Variants in PDE1A observed in about 807,000 individuals in gnomAD.
PDE1A encodes the protein phosphodiesterase 1A, also known as dual specificity calcium/calmodulin-dependent 3',5'-cyclic nucleotide phosphodiesterase 1A.
Under a neutral mutation model 61.7 loss-of-function variants are expected in PDE1A, and 35 were observed. That is an observed-to-expected ratio of 0.57 (90% CI 0.43 to 0.75). The LOEUF (loss-of-function observed/expected upper bound fraction) is 0.75, where lower values mean the gene tolerates loss of function less well. Among genes scored for constraint, PDE1A ranks in the 30% least tolerant of loss-of-function variants. The pLI is 0.00. For synonymous variants in PDE1A, 232 were observed against 213.2 expected (o/e 1.09, Z -0.77); for missense variants, 597 against 630.6 (o/e 0.95, Z 0.57).
At chr2:182,546,444 G>A in the PDE1A span, among the ~76,000 whole-genome samples, 5 of 152,108 alleles carry the variant, frequency 3.3e-5, no homozygotes, top group African/African-American at 1.2e-4. Context: ...AGACTAAGAT[G>A]GATACCCCCT....
chr2:182,577,973 GAA>G, the PDE1A span, among the ~76,000 whole-genome samples: 548 of 149,350 alleles, frequency 3.7e-3, 9 homozygotes, highest in African/African-American at 0.013. Flanking sequence ...AGGAAGGAAG[GAA>G]GGAAGGAAGG....
chr2:182,571,446 T>G, the PDE1A span, among the ~76,000 whole-genome samples: 3 of 152,128 alleles, frequency 2.0e-5, no homozygotes, highest in Admixed American at 6.5e-5. Flanking sequence ...TTAAGCCTCT[T>G]ATTTTCTAAT....
chr2:182,610,544 G>T, the PDE1A span, among the ~76,000 whole-genome samples: 1 of 151,988 alleles, frequency 6.6e-6, no homozygotes. Flanking sequence ...TAAAAAAAAA[G>T]AATGGCAATA....
chr2:182,373,698 G>A (rs1252834772), intron 1 of PDE1A, among the ~76,000 whole-genome samples: 3 of 152,160 alleles, frequency 2.0e-5, no homozygotes, highest in Non-Finnish European at 2.9e-5. Context: ...AGAAAGGATA[G>A]AATTTAGTGA....
chr2:182,268,728 C>G (rs1389656081), intron 1 of PDE1A, among the ~76,000 whole-genome samples: 1 of 152,076 alleles, frequency 6.6e-6, no homozygotes, highest in East Asian at 1.9e-4. Context: ...CCATTTGTTA[C>G]TGTCTTAAAT....
downstream of PDE1A, chr2:182,142,659 T>G (rs1350945893): frequency 1.3e-5 from 2 of 152,258 alleles, no homozygotes; most frequent in African/African-American, 4.8e-5. Context: ...TTTATAGTTA[T>G]AGCACTCTGT....
chr2:182,358,353 C>T (rs1432640798), intron 1 of PDE1A, among the ~76,000 whole-genome samples: 1 of 152,032 alleles, frequency 6.6e-6, no homozygotes, highest in Admixed American at 6.6e-5. Flanking sequence ...TTTCTGATGC[C>T]CTTACATCTG....
At chr2:182,378,243 G>A (rs1039433687) in intron 1 of PDE1A, among the ~76,000 whole-genome samples, 1 of 152,164 alleles carries the variant, frequency 6.6e-6, no homozygotes, top group Admixed American at 6.5e-5. Flanking sequence ...ACAAAAGTTT[G>A]CATAATGAGT....
chr2:182,276,370 C>T (rs1455851344), intron 1 of PDE1A, among the ~76,000 whole-genome samples: 1 of 152,040 alleles, frequency 6.6e-6, no homozygotes, highest in Non-Finnish European at 1.5e-5. Flanking sequence ...TATATCAGTT[C>T]CCAAAATTAA....
chr2:182,373,890 A>G (rs900637477), intron 1 of PDE1A, among the ~76,000 whole-genome samples: 2 of 152,224 alleles, frequency 1.3e-5, no homozygotes, highest in African/African-American at 4.8e-5. Context: ...TTTTCACATG[A>G]TGACTTCATT....
the PDE1A span, among the ~76,000 whole-genome samples, chr2:182,684,760 AG>A: frequency 6.6e-6 from 1 of 152,200 alleles, no homozygotes. Context: ...CATGTTGGCC[AG>A]GCTGGTCTCG....
the PDE1A span, among the ~76,000 whole-genome samples, chr2:182,684,653 T>G: frequency 6.6e-6 from 1 of 152,114 alleles, no homozygotes; most frequent in African/African-American, 2.4e-5. Flanking sequence ...TGGATTCAAG[T>G]GATTCTCTTG....
the PDE1A span, among the ~76,000 whole-genome samples, chr2:182,691,444 TAACA>T: frequency 6.6e-6 from 1 of 152,184 alleles, no homozygotes. Context: ...ATTCTCTAGT[TAACA>T]AATGGTGCTG....
chr2:182,399,287 A>C (rs190754750), intron 1 of PDE1A, among the ~76,000 whole-genome samples: 265 of 152,094 alleles, frequency 1.7e-3, no homozygotes, highest in African/African-American at 6.0e-3. Flanking sequence ...ATTTTGACAC[A>C]TGCATAGATT....
At chr2:182,615,578 C>T in the PDE1A span, among the ~76,000 whole-genome samples, 1 of 152,080 alleles carries the variant, frequency 6.6e-6, no homozygotes, top group Non-Finnish European at 1.5e-5. Flanking sequence ...AATAAAATAA[C>T]ACATTGCTAT....
the PDE1A span, among the ~76,000 whole-genome samples, chr2:182,554,929 T>G: frequency 2.0e-5 from 3 of 152,214 alleles, no homozygotes; most frequent in Admixed American, 6.5e-5. Context: ...TTGCACAATC[T>G]CATCGATATC....
chr2:182,221,353 C>T (rs1212672323), intron 7 of PDE1A, among the ~76,000 whole-genome samples: 1 of 152,082 alleles, frequency 6.6e-6, no homozygotes, highest in East Asian at 1.9e-4. Flanking sequence ...GTACAGAGCC[C>T]AGCTCAGTGA....
intron 1 of PDE1A, among the ~76,000 whole-genome samples, chr2:182,423,886 A>G (rs1703435370): frequency 6.6e-6 from 1 of 151,804 alleles, no homozygotes; most frequent in Non-Finnish European, 1.5e-5. Flanking sequence ...TAGCCTGTAT[A>G]TAGAAATTTG....
chr2:182,619,329 C>A, the PDE1A span, among the ~76,000 whole-genome samples: 1 of 151,670 alleles, frequency 6.6e-6, no homozygotes, highest in Non-Finnish European at 1.5e-5. Context: ...CTGAGAACAC[C>A]CAGAAAAACG....
Sources: gnomAD v4.1 joint callset for allele counts (sites outside exome capture counted in the v4.1 genomes callset) on GRCh38, gnomAD v4.1.1 for gene constraint, MANE v1.5 for transcripts, NCBI Gene and HGNC (gene_info 2026-07-23, HGNC 2026-07-21) for gene names.